PODXL: variants seen among roughly 807,000 people sequenced by gnomAD.
PODXL encodes podocalyxin like.
In PODXL, 20 loss-of-function variants were observed where a neutral mutation model predicts 48.9. The observed-to-expected ratio is 0.41, with a 90% confidence interval of 0.29 to 0.59. The LOEUF (loss-of-function observed/expected upper bound fraction) is 0.59, where lower values mean the gene tolerates loss of function less well. Among genes scored for constraint, PODXL ranks in the 20% least tolerant of loss-of-function variants. The probability of loss-of-function intolerance (pLI) is 0.31; values close to 1 mark genes in which losing one functional copy is unlikely to be tolerated. For synonymous variants in PODXL, 295 were observed against 287.4 expected (o/e 1.03, Z -0.27); for missense variants, 606 against 675.1 (o/e 0.90, Z 1.13).
intron 1 of PODXL, among the ~76,000 whole-genome samples, chr7:131,515,623 G>A (rs889581287): frequency 1.3e-5 from 2 of 152,072 alleles, no homozygotes; most frequent in African/African-American, 2.4e-5. Flanking sequence ...GGCTGGTCTC[G>A]AACTACTGAC....
intron 1 of PODXL, among the ~76,000 whole-genome samples, chr7:131,529,102 CAG>C (rs1798232618): frequency 4.6e-5 from 7 of 151,974 alleles, no homozygotes; most frequent in Admixed American, 3.9e-4. Flanking sequence ...TGTTGAGAAA[CAG>C]AGGCCAGGGT....
At chr7:131,528,546 C>T (rs1173622380) in intron 1 of PODXL, among the ~76,000 whole-genome samples, 1 of 152,126 alleles carries the variant, frequency 6.6e-6, no homozygotes, top group Non-Finnish European at 1.5e-5. Flanking sequence ...TAACAAGTTC[C>T]CAAAAGATTC....
intron 1 of PODXL, among the ~76,000 whole-genome samples, chr7:131,525,873 G>A (rs1028890789): frequency 1.3e-4 from 20 of 152,184 alleles, no homozygotes; most frequent in Non-Finnish European, 1.8e-4. Flanking sequence ...ATAAGTAAAC[G>A]GGTGGGGAGG....
chr7:131,553,989 C>T (rs958380574), intron 1 of PODXL, among the ~76,000 whole-genome samples: 1 of 152,130 alleles, frequency 6.6e-6, no homozygotes, highest in Admixed American at 6.5e-5. Flanking sequence ...ATAATCTGCC[C>T]ATATATTGGA....
In PODXL at chr7:131,519,654, AAT is replaced by A. The variant is rs1798062795; in HGVS notation, c.101-8223_101-8222del. Among the ~76,000 whole-genome samples, 3 of 152,210 alleles carry A rather than the reference AAT, an allele frequency of 2.0e-5. No homozygotes were observed. The South Asian group carries it at 6.2e-4, about 32-fold the overall frequency. ...AAACAATGTGAGGTACAAAAATAGTAATAGTTATTTAAAGCATAATACCTTAT... is the reference window on the plus strand; with the variant it reads ...AAACAATGTGAGGTACAAAAATAGTAAGTTATTTAAAGCATAATACCTTAT... On this transcript the variant is annotated intron_variant, in intron 1 of 8. Transcript: ENST00000378555.
In PODXL at chr7:131,506,283, C is replaced by T. The variant is rs778012723; in HGVS notation, c.1288G>A (p.Asp430Asn). Residue 430 changes from aspartate (D) to asparagine (N), a missense_variant, in exon 7 of 9, where the codon GAC becomes AAC. Coordinates refer to ENST00000378555, the MANE Select transcript of PODXL (RefSeq NM_001018111.3). ...PAKDVYERLK[D>N]KWDELKEAGV... ...ACCTCCTTTAGTTCATCCCATTTGT[C>T]CTTCAGCCGCTCGTACACATCCTTG... 6.8e-6 allele frequency: 11 copies of T among 1,614,102 alleles called. No homozygotes were observed. Among genetic ancestry groups the T allele is most frequent in the Non-Finnish European group, 8.5e-6 (10 of 1,180,032 alleles).
intron 1 of PODXL, 111 bp from the exon 2 acceptor site, chr7:131,511,544 C>T: frequency 9.0e-7 from 1 of 1,105,236 alleles, no homozygotes; most frequent in East Asian, 2.4e-5. Flanking sequence ...TGCTGTCTGC[C>T]TTGCTAAAGG....
In PODXL at chr7:131,504,266, G is replaced by T; in HGVS notation, c.*45C>A. On this transcript the variant is annotated 3_prime_UTR_variant, in exon 9 of 9. Transcript: ENST00000378555. Reference sequence around the variant, plus strand: ...CATCCAAACGGCACTTGGGGTGGTTGGTCTGGAGCTCTGTGGTGCTGCTGG... The same window carrying T: ...CATCCAAACGGCACTTGGGGTGGTTTGTCTGGAGCTCTGTGGTGCTGCTGG... 3 of 1,528,496 alleles carry T rather than the reference G, an allele frequency of 2.0e-6. No individual in the cohort carries two copies. The highest frequency in any genetic ancestry group is 2.7e-6 in the Non-Finnish European group (3 of 1,105,974). 94.7% of individuals were successfully genotyped at this position (1,528,496 alleles called of 1,614,324 possible).
intron 1 of PODXL, among the ~76,000 whole-genome samples, 187 bp from the exon 2 acceptor site, chr7:131,511,620 T>C (rs1235696869): frequency 6.6e-6 from 1 of 152,136 alleles, no homozygotes; most frequent in Non-Finnish European, 1.5e-5. Context: ...GTCTTTTTTT[T>C]TTCTTCTTCC....
At chr7:131,526,845 C>T (rs1798195771) in intron 1 of PODXL, among the ~76,000 whole-genome samples, 1 of 144,090 alleles carries the variant, frequency 6.9e-6, no homozygotes, top group Non-Finnish European at 1.5e-5. Flanking sequence ...AAGCAATTCT[C>T]CTGCCTCAGC....
At position 131,508,902 on chromosome 7, in the gene PODXL, G is replaced by A. The variant is rs1797857351; in HGVS notation, c.1101+49C>T. ...ACATACATTCCCTCTCCCTCCCTCA[G>A]CCCTGCTGTGAGCCTGCACCTGGCG... On this transcript the variant is annotated intron_variant, in intron 5 of 8. Coordinates refer to ENST00000378555, the MANE Select transcript of PODXL (RefSeq NM_001018111.3). The A allele has an allele frequency of 2.4e-6, 3 of 1,272,460 alleles. No homozygotes were observed. In the East Asian group the frequency reaches 6.9e-5, roughly 29 times the overall value. 78.8% of individuals were successfully genotyped at this position (1,272,460 alleles called of 1,614,324 possible).
chr7:131,556,446 C>G lies in PODXL; in HGVS notation c.-87G>C. The G allele has an allele frequency of 7.8e-7, 1 of 1,285,670 alleles. No individual in the cohort carries two copies. 79.6% of individuals were successfully genotyped at this position (1,285,670 alleles called of 1,614,324 possible). A position where few individuals can be genotyped will look rare whatever the true frequency, so the allele number is the denominator to read the frequency against. On this transcript the variant is annotated 5_prime_UTR_variant, in exon 1 of 9. Coordinates refer to ENST00000378555, the MANE Select transcript of PODXL (RefSeq NM_001018111.3). ...CGGGCGGTAGGAGCGTGGGCGCCGC[C>G]CGGGGAGGCCTGTGGGTGGCTCCGG...
chr7:131,515,954 A>T (rs191879863), intron 1 of PODXL, among the ~76,000 whole-genome samples: 6 of 152,306 alleles, frequency 3.9e-5, no homozygotes, highest in Admixed American at 2.0e-4. Flanking sequence ...ACAGACTCTG[A>T]CCTAGGAGAA....
Position 131,506,038 on chromosome 7 carries a change from G to C in PODXL, c.1312-3C>G, listed in dbSNP as rs372619840. 1.2e-6 allele frequency: 2 copies of C among 1,609,426 alleles called. No individual in the cohort carries two copies. The highest frequency in any genetic ancestry group is 2.2e-5 in the East Asian group (1 of 44,838). ...AGCTTCATGTCACTGACCCCTGCCT[G>C]CATGGGAAGTGGCAGAGAACAGGCT... On this transcript the variant is annotated splice_polypyrimidine_tract_variant and splice_region_variant and intron_variant, in intron 7 of 8. Transcript: ENST00000378555.
At chr7:131,505,841 CCT>C in intron 8 of PODXL, 25 bp downstream of exon 8, 1 of 1,541,624 alleles carries the variant, frequency 6.5e-7, no homozygotes, top group Non-Finnish European at 8.7e-7. Flanking sequence ...GGCTGCTTCC[CCT>C]GTGTGGCTGC....
chr7:131,507,611 C>T (rs1797830141), intron 5 of PODXL, among the ~76,000 whole-genome samples: 1 of 152,088 alleles, frequency 6.6e-6, no homozygotes, highest in South Asian at 2.1e-4. Context: ...CTTAGTAATT[C>T]CCCACCCTGA....
rs1276371208 is a variant in PODXL at position 131,556,399 on chromosome 7, G to C, written c.-40C>G. ...TGGGCCGGGAGCAGGTGGCTGCGGT[G>C]CCGGCGGAGGATCCGCGCGTCCGGG... On this transcript the variant is annotated 5_prime_UTR_variant, in exon 1 of 9. Transcript: ENST00000378555. The C allele has an allele frequency of 1.5e-6, 2 of 1,340,086 alleles. No homozygotes were observed. Among genetic ancestry groups the C allele is most frequent in the Non-Finnish European group, 1.9e-6 (2 of 1,046,634 alleles). 83.0% of individuals were successfully genotyped at this position (1,340,086 alleles called of 1,614,324 possible). A position where few individuals can be genotyped will look rare whatever the true frequency, so the allele number is the denominator to read the frequency against.
At chr7:131,530,463 G>A (rs1322559866) in intron 1 of PODXL, among the ~76,000 whole-genome samples, 1 of 152,068 alleles carries the variant, frequency 6.6e-6, no homozygotes, top group Non-Finnish European at 1.5e-5. Flanking sequence ...ATCAGGTCAG[G>A]GCTGGGCTTG....
At chr7:131,524,407 GAA>G (rs1798146037) in intron 1 of PODXL, among the ~76,000 whole-genome samples, 1 of 144,918 alleles carries the variant, frequency 6.9e-6, no homozygotes. Context: ...GAGAGAGAGA[GAA>G]AACAACAAGG....
Sources: allele counts gnomAD v4.1 joint callset (sites outside exome capture counted in the v4.1 genomes callset), GRCh38; gene constraint gnomAD v4.1.1; transcripts MANE v1.5; gene names NCBI Gene and HGNC (gene_info 2026-07-23, HGNC 2026-07-21).